The following TDO2 variants were observed in gnomAD, a reference collection of about 807,000 sequenced individuals.
The protein encoded by TDO2 is tryptophan 2,3-dioxygenase.
TDO2 carries 63 observed loss-of-function variants against 61.2 expected under a neutral mutation model. The observed-to-expected ratio is 1.03, with a 90% confidence interval of 0.84 to 1.27. The LOEUF is 1.27. Among genes scored for constraint, TDO2 ranks in the 50% most tolerant of loss-of-function variants. The pLI is 0.00. For synonymous variants in TDO2, 183 were observed against 164.0 expected (o/e 1.12, Z -0.89); for missense variants, 494 against 469.5 (o/e 1.05, Z -0.48).
At chr4:155,905,851 C>A (rs989540318) in intron 3 of TDO2, 1 of 152,090 alleles carries the variant, frequency 6.6e-6, no homozygotes, top group African/African-American at 2.4e-5. Context: ...CTTACCAATT[C>A]TTTGTGTTCT....
rs1221212870 is a variant in TDO2 at position 155,903,714 on chromosome 4, G to T, written c.-45G>T. 6.2e-7 allele frequency: 1 copy of T among 1,613,024 alleles called. No homozygotes were observed. The highest frequency in any genetic ancestry group is 1.7e-5 in the Admixed American group (1 of 59,974). ...TCTGGGAAGGTCAATGATAGCATCT[G>T]CCTAGAGTCAAACCTCCGTGCTTCT... On this transcript the variant is annotated 5_prime_UTR_variant, in exon 1 of 12. Coordinates refer to ENST00000536354, the MANE Select transcript of TDO2 (RefSeq NM_005651.4).
intron 7 of TDO2, among the ~76,000 whole-genome samples, chr4:155,912,543 C>A (rs1364339054): frequency 1.3e-5 from 2 of 151,958 alleles, no homozygotes; most frequent in African/African-American, 4.8e-5. Flanking sequence ...TAGTATATAC[C>A]ATTATGTTTG....
Position 155,918,147 on chromosome 4 carries a change from A to T in TDO2, c.977-2A>T. On this transcript the variant is annotated splice_acceptor_variant, in intron 10 of 11. Coordinates refer to ENST00000536354, the MANE Select transcript of TDO2 (RefSeq NM_005651.4). LOFTEE classifies it high-confidence loss of function. ...ATGGAGTAAATTTGTATGTTTGCCT[A>T]GATAACCATGTGTGCATGGTGCACA... is the stretch of plus-strand genomic sequence containing the variant. The T allele has an allele frequency of 1.9e-6, 3 of 1,613,070 alleles. No homozygotes were observed. Among genetic ancestry groups the T allele is most frequent in the Non-Finnish European group, 2.5e-6 (3 of 1,179,570 alleles).
intron 7 of TDO2, among the ~76,000 whole-genome samples, chr4:155,913,378 T>TTA (rs1435351949): frequency 1.3e-5 from 2 of 152,128 alleles, no homozygotes; most frequent in Non-Finnish European, 2.9e-5. Flanking sequence ...AGGAGTCCTT[T>TTA]TATGTGTTCT....
intron 4 of TDO2, 49 bp from the exon 5 acceptor site, chr4:155,908,835 ATTT>A: frequency 6.5e-7 from 1 of 1,527,798 alleles, no homozygotes; most frequent in Non-Finnish European, 8.8e-7. Flanking sequence ...TCTATTTTGT[ATTT>A]TCTAGAGGTC....
At chr4:155,918,299 C>G (rs1742980776) in intron 11 of TDO2, 60 bp downstream of exon 11, 3 of 1,536,786 alleles carry the variant, frequency 2.0e-6, no homozygotes, top group South Asian at 2.3e-5. Context: ...GTTTCTCCAC[C>G]TATACATTTG....
At chr4:155,908,092 T>A (rs1742753127) in intron 4 of TDO2, among the ~76,000 whole-genome samples, 1 of 152,156 alleles carries the variant, frequency 6.6e-6, no homozygotes, top group South Asian at 2.1e-4. Context: ...GATCCTTTAA[T>A]TAACAGGTAC....
chr4:155,918,542 G>T (rs1184066725), intron 11 of TDO2, among the ~76,000 whole-genome samples: 1 of 152,202 alleles, frequency 6.6e-6, no homozygotes, highest in East Asian at 1.9e-4. Context: ...TCAACTCATT[G>T]TGACTCAAGT....
At chr4:155,905,212 G>C in intron 3 of TDO2, 55 bp downstream of exon 3, 1 of 1,268,404 alleles carries the variant, frequency 7.9e-7, no homozygotes. Flanking sequence ...CATTGATAAC[G>C]AGGAAAGCTA....
intron 8 of TDO2, 144 bp from the exon 9 acceptor site, chr4:155,915,711 C>A: frequency 1.8e-6 from 1 of 548,384 alleles, no homozygotes; most frequent in Non-Finnish European, 3.2e-6. Context: ...CAAATTCAAC[C>A]TAAGGGATAA....
intron 3 of TDO2, chr4:155,906,604 T>C (rs1242172412): frequency 6.6e-6 from 1 of 152,182 alleles, no homozygotes; most frequent in African/African-American, 2.4e-5. Context: ...ATTTACTTTA[T>C]GCCTGACACT....
At chr4:155,914,298 T>C in intron 7 of TDO2, 25 bp from the exon 8 acceptor site, 2 of 1,553,072 alleles carry the variant, frequency 1.3e-6, no homozygotes, top group Non-Finnish European at 1.8e-6. Flanking sequence ...CTCTCAGGAC[T>C]ATTAATGCCA....
chr4:155,905,270 T>G (rs1170188214), intron 3 of TDO2, 113 bp downstream of exon 3: 18 of 818,398 alleles, frequency 2.2e-5, no homozygotes, highest in Non-Finnish European at 3.5e-5. Flanking sequence ...TCACCTCTGT[T>G]AGAAATGTTT....
At chr4:155,913,278 T>C (rs990683738) in intron 7 of TDO2, among the ~76,000 whole-genome samples, 1 of 152,124 alleles carries the variant, frequency 6.6e-6, no homozygotes, top group African/African-American at 2.4e-5. Flanking sequence ...ATTAACCTGG[T>C]CTATAAGGCC....
rs1742955772 is a variant in TDO2 at position 155,917,169 on chromosome 4, T to C, written c.897-226T>C. On this transcript the variant is annotated intron_variant, in intron 9 of 11. Coordinates refer to ENST00000536354, the MANE Select transcript of TDO2 (RefSeq NM_005651.4). Reference sequence around the variant, plus strand: ...CTCTAGGTGATTACTTCATGTATATTACATGGACTTTTCTAGGCTTCAAAC... The same window carrying C: ...CTCTAGGTGATTACTTCATGTATATCACATGGACTTTTCTAGGCTTCAAAC... Among the ~76,000 whole-genome samples, 3 of 152,184 alleles carry C rather than the reference T, an allele frequency of 2.0e-5. No homozygotes were observed. In the South Asian group the frequency reaches 6.2e-4, roughly 32 times the overall value.
intron 3 of TDO2, 71 bp from the exon 4 acceptor site, chr4:155,907,651 A>T: frequency 1.1e-6 from 1 of 941,532 alleles, no homozygotes; most frequent in South Asian, 1.4e-5. Context: ...CATGTTAAAC[A>T]TATCTTTCAT....
intron 4 of TDO2, 60 bp downstream of exon 4, chr4:155,907,852 T>C: frequency 7.6e-7 from 1 of 1,314,746 alleles, no homozygotes. Flanking sequence ...TGGAAAGTAT[T>C]ATTAATGAGA....
At chr4:155,915,109 G>A (rs1328723380) in intron 8 of TDO2, among the ~76,000 whole-genome samples, 1 of 152,102 alleles carries the variant, frequency 6.6e-6, no homozygotes, top group East Asian at 1.9e-4. Context: ...TTAGTACTGA[G>A]CTGTTAGTTC....
intron 8 of TDO2, 100 bp downstream of exon 8, chr4:155,914,534 A>G (rs1314596507): frequency 5.0e-6 from 4 of 805,252 alleles, no homozygotes; most frequent in Middle Eastern, 2.7e-4. Flanking sequence ...GGAGAAATAG[A>G]ATGAAAATTG....
Sources: allele counts gnomAD v4.1 joint callset (sites outside exome capture counted in the v4.1 genomes callset), GRCh38; gene constraint gnomAD v4.1.1; transcripts MANE v1.5; gene names NCBI Gene and HGNC (gene_info 2026-07-23, HGNC 2026-07-21).